The following USH2A variants were observed in gnomAD, a reference collection of about 807,000 sequenced individuals.
The protein encoded by USH2A is usherin.
In USH2A, 443 loss-of-function variants were observed where a neutral mutation model predicts 538.9. The observed-to-expected ratio is 0.82, with a 90% CI of 0.76 to 0.89. The LOEUF (loss-of-function observed/expected upper bound fraction) is 0.89. Among genes scored for constraint, USH2A ranks in the 40% least tolerant of loss-of-function variants. USH2A has a pLI of 0.00. For synonymous variants in USH2A, 2,413 were observed against 2,273.5 expected, an observed-to-expected ratio of 1.06 and a Z score of -1.75; for missense variants, 6,633 against 6,324.8, an observed-to-expected ratio of 1.05 and a Z score of -1.65.
At chr1:216,243,279 T>G (rs1301659106) in intron 13 of USH2A, among the ~76,000 whole-genome samples, 1 of 152,168 alleles carries the variant, frequency 6.6e-6, no homozygotes, top group East Asian at 1.9e-4. Context: ...TTTGGCTGAT[T>G]TTTTTAAAAA....
intron 60 of USH2A, among the ~76,000 whole-genome samples, chr1:215,738,981 A>T (rs1185957409): frequency 6.6e-6 from 1 of 152,200 alleles, no homozygotes; most frequent in African/African-American, 2.4e-5. Context: ...CAGCTATCTA[A>T]GAAAAATTTG....
In USH2A at chr1:216,191,978, C is replaced by A. The variant is rs191927356; in HGVS notation, c.4252-1611G>T. Reference sequence around the variant, plus strand: ...CATTATTTTAAAAATACATTATTGGCCCCAGAACTTGCAGCATAAAATTAT... The same window carrying A: ...CATTATTTTAAAAATACATTATTGGACCCAGAACTTGCAGCATAAAATTAT... On this transcript the variant is annotated intron_variant, in intron 19 of 71. Coordinates refer to ENST00000307340, the MANE Select transcript of USH2A (RefSeq NM_206933.4). 3.3e-5 allele frequency among the ~76,000 whole-genome samples: 5 copies of A among 152,016 alleles called. No homozygotes were observed. In the East Asian group the frequency reaches 9.7e-4, roughly 29 times the overall value.
chr1:216,138,749 A>G (rs1219758446), intron 21 of USH2A, among the ~76,000 whole-genome samples: 1 of 152,162 alleles, frequency 6.6e-6, no homozygotes, highest in Admixed American at 6.5e-5. Context: ...GATGAAAGAA[A>G]AGGGCTGGGC....
At chr1:216,151,410 C>G (rs1018515883) in intron 21 of USH2A, among the ~76,000 whole-genome samples, 2 of 152,040 alleles carry the variant, frequency 1.3e-5, no homozygotes, top group Admixed American at 1.3e-4. Context: ...CAAATGGGAC[C>G]GAAGAGCTCC....
rs1572042542 is a variant in USH2A at position 216,199,845 on chromosome 1, T to C, written c.3593A>G (p.Tyr1198Cys). ...GGTAGCTGAGGTTTCATGACCTTCG[T>C]AGGAAACACATGGCTGACCACCAGC... ...PLAGGQPCVSYEGHETSATIW... is the reference protein window; with the variant it reads ...PLAGGQPCVSCEGHETSATIW... Residue 1198 changes from tyrosine (Y) to cysteine (C), a missense_variant, in exon 17 of 72, where the codon TAC becomes TGC. Physicochemically the swap from Tyr to Cys is radical, Grantham distance 194 (BLOSUM62 -2). Coordinates refer to ENST00000307340, the MANE Select transcript of USH2A (RefSeq NM_206933.4). The C allele has an allele frequency of 6.2e-7, 1 of 1,614,128 alleles. No individual in the cohort carries two copies. Among genetic ancestry groups the C allele is most frequent in the Non-Finnish European group, 8.5e-7 (1 of 1,179,984 alleles).
At chr1:215,833,813 C>G (rs1449307019) in intron 47 of USH2A, among the ~76,000 whole-genome samples, 2 of 151,730 alleles carry the variant, frequency 1.3e-5, no homozygotes, top group Non-Finnish European at 2.9e-5. Flanking sequence ...AAACTCAAAT[C>G]CAAAATATAT....
At position 215,675,285 on chromosome 1, in the gene USH2A, T is replaced by G. The variant is rs1333045819; in HGVS notation, c.12626A>C (p.Glu4209Ala). 6.2e-7 allele frequency: 1 copy of G among 1,614,156 alleles called. No individual in the cohort carries two copies. Among genetic ancestry groups the G allele is most frequent in the South Asian group, 1.1e-5 (1 of 91,088 alleles). The change falls in exon 63 of 72, where the codon GAG (glutamate) becomes GCG (alanine). Residue 4209 changes from glutamate (E) to alanine (A), a missense_variant. Physicochemically the swap from Glu to Ala is moderately radical, Grantham distance 107 (BLOSUM62 -1). Coordinates refer to ENST00000307340, the MANE Select transcript of USH2A (RefSeq NM_206933.4). Reference protein sequence around the residue: ...AWGNQTIQADEKIVFTEYNTE... With the variant: ...AWGNQTIQADAKIVFTEYNTE... The stretch of plus-strand genomic sequence containing the variant: ...GTTATATTCTGTGAAAACAATTTTC[T>G]CGTCGGCCTGGATTGTCTGATTTCC...
Position 215,826,121 on chromosome 1 carries a change from A to G in USH2A, c.9372-8926T>C, listed in dbSNP as rs190612632. Among the ~76,000 whole-genome samples the G allele has an allele frequency of 5.8e-3, 881 of 152,318 alleles. 7 individuals carry two copies. The highest frequency in any genetic ancestry group is 0.02 in the African/African-American group (827 of 41,566). ...GAATACCACAATATTGATCTATAGCATGGCATAGATGGATGAGTTTCTCAA... is the reference window on the plus strand; with the variant it reads ...GAATACCACAATATTGATCTATAGCGTGGCATAGATGGATGAGTTTCTCAA... On this transcript the variant is annotated intron_variant, in intron 47 of 71. Coordinates refer to ENST00000307340, the MANE Select transcript of USH2A (RefSeq NM_206933.4).
intron 32 of USH2A, among the ~76,000 whole-genome samples, chr1:216,025,845 T>G (rs979802553): frequency 1.3e-5 from 2 of 152,084 alleles, no homozygotes; most frequent in Non-Finnish European, 2.9e-5. Context: ...ATCCTCTTGA[T>G]TTTTGCATAA....
At chr1:215,632,471 G>A (rs2797386) in intron 70 of USH2A, among the ~76,000 whole-genome samples, 60,766 of 152,090 alleles carry the variant, frequency 0.4, 15,299 homozygotes, top group Non-Finnish European at 0.55. Context: ...GGAAGACAGT[G>A]TTCTTCCTCA....
chr1:216,233,656 C>T (rs370459), intron 13 of USH2A, among the ~76,000 whole-genome samples: 150,506 of 152,258 alleles, frequency 0.99, 74,399 homozygotes, highest in East Asian at 1. Context: ...AATTTAGAGA[C>T]TTTAGCTTAC....
At chr1:216,380,165 C>T (rs972949181) in intron 3 of USH2A, among the ~76,000 whole-genome samples, 6 of 151,914 alleles carry the variant, frequency 3.9e-5, no homozygotes, top group South Asian at 2.1e-4. Flanking sequence ...CCGCAAAAGA[C>T]GTTAGAAACA....
At chr1:215,736,642 A>T (rs1660162523) in intron 60 of USH2A, among the ~76,000 whole-genome samples, 1 of 152,042 alleles carries the variant, frequency 6.6e-6, no homozygotes, top group Admixed American at 6.6e-5. Context: ...TGTGGAAAGA[A>T]TATAGACAAT....
chr1:215,812,055 G>T (rs1404495691), intron 49 of USH2A, among the ~76,000 whole-genome samples: 1 of 136,932 alleles, frequency 7.3e-6, no homozygotes, highest in Non-Finnish European at 1.5e-5. Context: ...CACCATCTCG[G>T]CTCACCGCAA....
intron 27 of USH2A, 120 bp downstream of exon 27, chr1:216,077,969 A>G (rs2031808584): frequency 1.6e-6 from 2 of 1,223,782 alleles, no homozygotes; most frequent in Non-Finnish European, 2.4e-6. Flanking sequence ...CCAGAAAAAG[A>G]GATGCTGTTG....
At chr1:215,875,587 C>T (rs1052593715) in intron 43 of USH2A, among the ~76,000 whole-genome samples, 1 of 151,980 alleles carries the variant, frequency 6.6e-6, no homozygotes, top group Admixed American at 6.6e-5. Flanking sequence ...TCATAACTAA[C>T]TTCATGGCCT....
Position 215,910,373 on chromosome 1 carries a change from T to C in USH2A, c.7301-9468A>G, listed in dbSNP as rs146891539. Among the ~76,000 whole-genome samples, 608 of 152,114 alleles carry C rather than the reference T, an allele frequency of 4.0e-3. 5 individuals are homozygous for C. The highest frequency in any genetic ancestry group is 0.014 in the African/African-American group (584 of 41,544). On this transcript the variant is annotated intron_variant, in intron 38 of 71. Transcript: ENST00000307340. ...TGTGTATTGGTTAAGAGCCAACTTA[T>C]CTGGGTTCAAATCCTGATTGTGCTA...
chr1:215,898,684 C>T (rs1665410688), intron 40 of USH2A, among the ~76,000 whole-genome samples: 3 of 152,280 alleles, frequency 2.0e-5, no homozygotes, highest in African/African-American at 7.2e-5. Flanking sequence ...TATTTAGTGC[C>T]ATCAAGCATG....
At chr1:216,123,077 G>T (rs1030911356) in intron 21 of USH2A, among the ~76,000 whole-genome samples, 4 of 152,096 alleles carry the variant, frequency 2.6e-5, no homozygotes, top group Middle Eastern at 3.2e-3. Flanking sequence ...GTTTCTCATG[G>T]TTCATTTATG....
Sources: allele counts gnomAD v4.1 joint callset (sites outside exome capture counted in the v4.1 genomes callset), GRCh38; gene constraint gnomAD v4.1.1; transcripts MANE v1.5; gene names NCBI Gene and HGNC (gene_info 2026-07-23, HGNC 2026-07-21).